The following DDX27 variants were observed in gnomAD, a reference collection of about 807,000 sequenced individuals.
DDX27 encodes probable ATP-dependent RNA helicase DDX27.
In DDX27, 42 loss-of-function variants were observed where a neutral mutation model predicts 99.3. The observed-to-expected ratio is 0.42, with a 90% CI of 0.33 to 0.55. The LOEUF is 0.55. DDX27 is among the 20% of genes least tolerant of loss of function. DDX27 has a pLI of 0.07. For missense variants in DDX27, 798 were observed against 976.8 expected (o/e 0.82, Z 2.44); for synonymous variants, 329 against 353.8 (o/e 0.93, Z 0.79).
intron 6 of DDX27, 49 bp from the exon 7 acceptor site, chr20:49,226,381 T>C (rs1287779621): frequency 2.0e-6 from 3 of 1,489,824 alleles, no homozygotes; most frequent in Non-Finnish European, 1.9e-6. Flanking sequence ...TGTGTTGTGC[T>C]GAGACTTCCC....
At chr20:49,243,598 G>A in intron 19 of DDX27, 31 bp from the exon 20 acceptor site, 1 of 1,606,996 alleles carries the variant, frequency 6.2e-7, no homozygotes, top group Non-Finnish European at 8.5e-7. Flanking sequence ...TCAACAGTTT[G>A]CTCATTTCAG....
intron 14 of DDX27, 179 bp from the exon 15 acceptor site, chr20:49,238,765 CTTTTT>C (rs71186443): frequency 5.9e-4 from 142 of 239,444 alleles, no homozygotes; most frequent in African/African-American, 9.2e-4. Flanking sequence ...CTGTGCCTGG[CTTTTT>C]TTTTTTTTTT....
chr20:49,227,803 C>T (rs1479742669), intron 7 of DDX27, among the ~76,000 whole-genome samples: 1 of 151,640 alleles, frequency 6.6e-6, no homozygotes, highest in Non-Finnish European at 1.5e-5. Flanking sequence ...TCTCTGTGAC[C>T]ATGGCCTCCT....
chr20:49,227,064 GTTTTAGCCGGGA>G (rs1207063737), intron 7 of DDX27, among the ~76,000 whole-genome samples: 60 of 149,396 alleles, frequency 4.0e-4, no homozygotes, highest in African/African-American at 1.4e-3. Context: ...GGGTTTCACC[GTTTTAGCCGGGA>G]TGGTCTTGAT....
rs374821878 is a variant in DDX27 at position 49,230,241 on chromosome 20, C to T, written c.923C>T (p.Ala308Val). 1.5e-4 allele frequency: 240 copies of T among 1,613,244 alleles called. No homozygotes were observed. Among genetic ancestry groups the T allele is most frequent in the Non-Finnish European group, 1.6e-4 (186 of 1,180,000 alleles). ...TCTCAGGAAGCAGCTCTTCGGGCAG[C>T]GCCTGACATCCTCATCGCCACCCCA... is the stretch of plus-strand genomic sequence containing the variant. ...VKSQEAALRAAPDILIATPGR... is the reference protein window; with the variant it reads ...VKSQEAALRAVPDILIATPGR... Residue 308 changes from alanine to valine, a missense_variant, in exon 9 of 21, where the codon GCG becomes GTG. Ala to Val is a moderately conservative substitution (Grantham distance 64). Around this residue, in one of 2 missense-constraint regions of DDX27, gnomAD observed 553 missense variants for 727.9 expected, o/e 0.76. Transcript: ENST00000618172.
chr20:49,221,932 C>T (rs182351973), intron 2 of DDX27, among the ~76,000 whole-genome samples: 8 of 151,632 alleles, frequency 5.3e-5, no homozygotes, highest in African/African-American at 1.9e-4. Flanking sequence ...GGTTCCCACA[C>T]AGCACAGCCA....
chr20:49,229,557 T>C (rs938735757), intron 8 of DDX27, among the ~76,000 whole-genome samples: 5 of 152,146 alleles, frequency 3.3e-5, no homozygotes, highest in African/African-American at 1.2e-4. Context: ...CTTGTGCTAT[T>C]GGAAGTCAGA....
chr20:49,222,876 C>A, intron 2 of DDX27, 81 bp from the exon 3 acceptor site: 1 of 1,266,252 alleles, frequency 7.9e-7, no homozygotes, highest in Non-Finnish European at 1.1e-6. Flanking sequence ...TTTTCTTTTT[C>A]AAGTTAATTA....
At position 49,236,919 on chromosome 20, in the gene DDX27, T is replaced by C. The variant is rs1980327782; in HGVS notation, c.1687+409T>C. ...ATCCTCTTTAAAGTCTTTTTTTGTT[T>C]TGTTTTGTTCTTGAATTCCTAGGCT... On this transcript the variant is annotated intron_variant, in intron 14 of 20. Transcript: ENST00000618172. This position sits in a 1 kb window ranked among gnomAD's most constrained non-coding sequence, Gnocchi z 4.1. Among the ~76,000 whole-genome samples the C allele has an allele frequency of 6.6e-6, 1 of 152,196 alleles. No homozygotes were observed. Among genetic ancestry groups the C allele is most frequent in the South Asian group, 2.1e-4 (1 of 4,836 alleles).
intron 11 of DDX27, 57 bp downstream of exon 11, chr20:49,233,766 A>G: frequency 1.3e-6 from 2 of 1,587,612 alleles, no homozygotes; most frequent in Non-Finnish European, 8.6e-7. Flanking sequence ...TTGAGCTCGT[A>G]GTATCCATGC....
At chr20:49,234,644 C>T (rs1980244919) in intron 11 of DDX27, 3 of 276,156 alleles carry the variant, frequency 1.1e-5, no homozygotes, top group South Asian at 1.0e-4. Context: ...AGAATCTTCC[C>T]CTGGATCTTC....
intron 11 of DDX27, chr20:49,234,048 ACT>A (rs757148271): frequency 4.6e-4 from 121 of 264,492 alleles, no homozygotes; most frequent in Non-Finnish European, 7.8e-4. Flanking sequence ...GCCTTTTGTG[ACT>A]CTCTGCATTG....
Position 49,241,904 on chromosome 20 carries a change from C to T in DDX27, c.1909C>T (p.Leu637=), listed in dbSNP as rs1489194251. ...ERKKEKIAKA[L]QEFDLALRGK... The stretch of plus-strand genomic sequence containing the variant: ...TCTTCTCATCCCAGTTGCCAAAGCT[C>T]TGCAGGAATTTGACTTGGCCTTAAG... The change falls in exon 17 of 21, where the codon CTG becomes TTG. Residue 637 remains leucine, a synonymous_variant. Transcript: ENST00000618172. 4.3e-6 allele frequency: 7 copies of T among 1,614,172 alleles called. No homozygotes were observed. The highest frequency in any genetic ancestry group is 1.1e-5 in the South Asian group (1 of 91,076).
chr20:49,238,591 A>C, intron 14 of DDX27: 1 of 227,252 alleles, frequency 4.4e-6, no homozygotes. Context: ...CAGCCTTCTG[A>C]GTAGTAGCTG....
intron 11 of DDX27, 164 bp downstream of exon 11, chr20:49,233,873 G>C: frequency 1.4e-6 from 1 of 724,338 alleles, no homozygotes; most frequent in African/African-American, 1.8e-5. Flanking sequence ...TCTTCTCCAC[G>C]GGTCCTTCCT....
In DDX27 at chr20:49,221,457, C is replaced by T. The variant is rs1370749628; in HGVS notation, c.99C>T (p.Pro33=). The T allele has an allele frequency of 6.2e-7, 1 of 1,613,176 alleles. No individual in the cohort carries two copies. The highest frequency in any genetic ancestry group is 8.5e-7 in the Non-Finnish European group (1 of 1,179,952). The part of the protein sequence containing the change: ...SDSGDEEEEG[P]IVLGRRQKAL... ...CTGTCTCTTACTCTTCCCAGGGGCC[C>T]ATTGTGCTGGGCAGACGACAAAAAG... Residue 33 remains proline (P), a synonymous_variant, in exon 2 of 21, where the codon CCC becomes CCT. Coordinates refer to ENST00000618172, the MANE Select transcript of DDX27 (RefSeq NM_017895.8).
intron 14 of DDX27, 156 bp from the exon 15 acceptor site, chr20:49,238,789 TTGTA>T: frequency 4.3e-6 from 1 of 232,200 alleles, no homozygotes; most frequent in East Asian, 6.7e-5. Flanking sequence ...TTTTTTTTTT[TTGTA>T]GAGACAGAGT....
intron 1 of DDX27, among the ~76,000 whole-genome samples, chr20:49,220,297 C>T (rs1297830221): frequency 6.6e-6 from 1 of 152,160 alleles, no homozygotes; most frequent in Non-Finnish European, 1.5e-5. Context: ...GCTCATGAAT[C>T]TCTCTTAAGC....
rs965044190 is a variant in DDX27 at position 49,236,829 on chromosome 20, A to G, written c.1687+319A>G. ...GGTGGTGGGGAAGAGAGAGATCAGT[A>G]CTCATTCTTTTTGGGTCCTTTCATT... On this transcript the variant is annotated intron_variant, in intron 14 of 20. Transcript: ENST00000618172. This position sits in a 1 kb window ranked among gnomAD's most constrained non-coding sequence, Gnocchi z 4.1. Among the ~76,000 whole-genome samples the G allele has an allele frequency of 3.3e-5, 5 of 152,070 alleles. No individual in the cohort carries two copies. The South Asian group carries it at 8.3e-4, about 25-fold the overall frequency.
Sources: gnomAD v4.1 joint callset for allele counts (sites outside exome capture counted in the v4.1 genomes callset) on GRCh38, gnomAD v4.1.1 for gene constraint, gnomAD v4.1.1 regional missense constraint, Gnocchi (gnomAD v3.1) non-coding constraint, MANE v1.5 for transcripts, NCBI Gene and HGNC (gene_info 2026-07-23, HGNC 2026-07-21) for gene names.